Variants in RSU1 observed in about 807,000 individuals in gnomAD.
The protein encoded by RSU1 is Ras suppressor protein 1, also known as rsu-1.
RSU1 carries 26 observed loss-of-function variants against 31.1 expected under a neutral mutation model. The ratio of observed to expected loss-of-function variants is 0.84; its 90% CI spans 0.61 to 1.16. RSU1 has a LOEUF of 1.16. RSU1 is among the 50% of genes most tolerant of loss of function. The pLI, the probability that RSU1 is intolerant of heterozygous loss-of-function variation, is 0.00. For synonymous variants in RSU1, 164 were observed against 136.3 expected, an observed-to-expected ratio of 1.20 and a Z score of -1.41; for missense variants, 320 against 339.1, an observed-to-expected ratio of 0.94 and a Z score of 0.44.
At chr10:16,593,548 A>T in intron 8 of RSU1, 52 bp from the exon 9 acceptor site, 1 of 1,376,234 alleles carries the variant, frequency 7.3e-7, no homozygotes, top group Non-Finnish European at 1.0e-6. Context: ...AACACAAGAT[A>T]GCTTTCACTG....
intron 4 of RSU1, 43 bp from the exon 5 acceptor site, chr10:16,755,032 A>G (rs749740255): frequency 4.1e-6 from 5 of 1,220,566 alleles, no homozygotes; most frequent in Middle Eastern, 2.7e-4. Context: ...CACCAAAGAC[A>G]CATTCATACA....
At chr10:16,644,521 G>A (rs1403886378) in intron 8 of RSU1, among the ~76,000 whole-genome samples, 24 of 152,188 alleles carry the variant, frequency 1.6e-4, no homozygotes, top group Admixed American at 1.6e-3. Flanking sequence ...ACATGTTACG[G>A]AAGAGGAAAT....
chr10:16,775,907 C>G (rs1837518940), intron 3 of RSU1, among the ~76,000 whole-genome samples: 2 of 152,178 alleles, frequency 1.3e-5, no homozygotes, highest in South Asian at 4.1e-4. Context: ...CACATTTACA[C>G]TCTGTTAAAA....
Position 16,593,428 on chromosome 10 carries a change from A to ATCTT in RSU1, c.796_799dup (p.Ile267LysfsTer40). The ATCTT allele has an allele frequency of 6.2e-7, 1 of 1,613,904 alleles. No individual in the cohort carries two copies. The highest frequency in any genetic ancestry group is 8.5e-7 in the Non-Finnish European group (1 of 1,179,954). ...CTTGGCTGCCAGGGGTTTCCGGCTGATCTTTTTCGATTTGTCATTATTCTT... is the reference window on the plus strand; with the variant it reads ...CTTGGCTGCCAGGGGTTTCCGGCTGATCTTTCTTTTTCGATTTGTCATTATTCTT... On this transcript the variant is annotated frameshift_variant, in exon 9 of 9. Transcript: ENST00000345264. LOFTEE classifies it high-confidence loss of function.
intron 2 of RSU1, among the ~76,000 whole-genome samples, chr10:16,801,096 T>TA (rs1838146930): frequency 2.7e-5 from 4 of 148,310 alleles, no homozygotes; most frequent in South Asian, 2.1e-4. Context: ...GATCTTTTTT[T>TA]TAAAAAAAAA....
At chr10:16,688,868 C>T (rs908894334) in intron 8 of RSU1, among the ~76,000 whole-genome samples, 6 of 147,426 alleles carry the variant, frequency 4.1e-5, no homozygotes, top group African/African-American at 1.3e-4. Context: ...ACTAGCCAGG[C>T]GTTGTGGTGT....
intron 8 of RSU1, among the ~76,000 whole-genome samples, chr10:16,682,758 T>C (rs779632670): frequency 1.3e-5 from 2 of 152,066 alleles, no homozygotes; most frequent in Non-Finnish European, 2.9e-5. Context: ...GGGGTCTGGA[T>C]CGGGACCCCT....
intron 8 of RSU1, among the ~76,000 whole-genome samples, chr10:16,646,473 G>A (rs190886805): frequency 3.0e-4 from 45 of 152,128 alleles, no homozygotes; most frequent in African/African-American, 1.0e-3. Flanking sequence ...CTTTTGCCCC[G>A]ATCAAGTCCC....
At chr10:16,761,349 G>A (rs1177267040) in intron 4 of RSU1, among the ~76,000 whole-genome samples, 1 of 152,190 alleles carries the variant, frequency 6.6e-6, no homozygotes, top group Non-Finnish European at 1.5e-5. Flanking sequence ...TGTAATGGAA[G>A]CTCCATCAGG....
intron 8 of RSU1, among the ~76,000 whole-genome samples, chr10:16,641,440 C>T (rs966876590): frequency 1.3e-5 from 2 of 150,018 alleles, no homozygotes; most frequent in African/African-American, 2.5e-5. Context: ...TGCAGTAAGC[C>T]GAGACTGTGC....
chr10:16,686,266 C>T (rs1159640489), intron 8 of RSU1, among the ~76,000 whole-genome samples: 3 of 152,184 alleles, frequency 2.0e-5, no homozygotes, highest in South Asian at 4.2e-4. Flanking sequence ...ATTATAAAAG[C>T]GCCACTTTTA....
chr10:16,810,472 C>T (rs1460694095), intron 2 of RSU1, among the ~76,000 whole-genome samples: 1 of 152,044 alleles, frequency 6.6e-6, no homozygotes, highest in Non-Finnish European at 1.5e-5. Context: ...CCAGCAGCCG[C>T]CCCCCGGGCT....
chr10:16,646,901 T>C (rs1834582707), intron 8 of RSU1, among the ~76,000 whole-genome samples: 1 of 152,072 alleles, frequency 6.6e-6, no homozygotes, highest in African/African-American at 2.4e-5. Flanking sequence ...TAGCATTTCA[T>C]ACCAGTGGGT....
chr10:16,608,004 C>T (rs1012754763), intron 8 of RSU1, among the ~76,000 whole-genome samples: 2 of 151,964 alleles, frequency 1.3e-5, no homozygotes, highest in Non-Finnish European at 2.9e-5. Context: ...CTCATTTTTG[C>T]ATTTCTTGTA....
At chr10:16,732,227 T>G (rs74125860) in intron 7 of RSU1, among the ~76,000 whole-genome samples, 3,380 of 152,306 alleles carry the variant, frequency 0.022, 120 homozygotes, top group African/African-American at 0.075. Context: ...ATACCACTGC[T>G]TTGCATTTTC....
intron 8 of RSU1, among the ~76,000 whole-genome samples, chr10:16,603,481 T>G (rs1239256453): frequency 6.6e-6 from 1 of 152,254 alleles, no homozygotes; most frequent in African/African-American, 2.4e-5. Context: ...TCTTTGGTTA[T>G]GTATCAGAGG....
At chr10:16,649,053 C>T (rs1834630603) in intron 8 of RSU1, among the ~76,000 whole-genome samples, 1 of 152,052 alleles carries the variant, frequency 6.6e-6, no homozygotes, top group Non-Finnish European at 1.5e-5. Flanking sequence ...TAACTATTTC[C>T]CTTAAAATTC....
At position 16,817,131 on chromosome 10, in the gene RSU1, G is replaced by A. The variant is rs188378379; in HGVS notation, c.-3-47C>T. The A allele has an allele frequency of 2.3e-4, 325 of 1,399,966 alleles. 1 individual carries two copies. The Admixed American group carries it at 5.4e-3, about 23-fold the overall frequency. The allele number at this position is 1,399,966 out of a possible 1,614,324, so 86.7% of individuals were successfully genotyped here. A position where few individuals can be genotyped will look rare whatever the true frequency, so the allele number is the denominator to read the frequency against. ...CACGTGGGCGATGACAGCAAGCGCAGAGGCGGAAAGGCAAGAGGCCTTCGC... is the reference window on the plus strand; with the variant it reads ...CACGTGGGCGATGACAGCAAGCGCAAAGGCGGAAAGGCAAGAGGCCTTCGC... On this transcript the variant is annotated intron_variant, in intron 1 of 8. Transcript: ENST00000345264.
chr10:16,646,506 C>T (rs2131509436), intron 8 of RSU1, among the ~76,000 whole-genome samples: 1 of 152,264 alleles, frequency 6.6e-6, no homozygotes, highest in South Asian at 2.1e-4. Flanking sequence ...GAATCAAACC[C>T]TTCCACCCTG....
Sources: allele counts gnomAD v4.1 joint callset (sites outside exome capture counted in the v4.1 genomes callset), GRCh38; gene constraint gnomAD v4.1.1; transcripts MANE v1.5; gene names NCBI Gene and HGNC (gene_info 2026-07-23, HGNC 2026-07-21).